STPG2: variants seen among roughly 807,000 people sequenced by gnomAD.
STPG2 encodes the protein sperm tail PG-rich repeat containing 2, also known as sperm-tail PG-rich repeat-containing protein 2.
In STPG2, 56 loss-of-function variants were observed where a neutral mutation model predicts 54.2. The ratio of observed to expected loss-of-function variants is 1.03; its 90% CI spans 0.83 to 1.29. STPG2 has a LOEUF of 1.29. STPG2 is among the 50% of genes most tolerant of loss of function. The pLI, the probability that STPG2 is intolerant of heterozygous loss-of-function variation, is 0.00. For missense variants in STPG2, 596 were observed against 544.9 expected (o/e 1.09, Z -0.93); for synonymous variants, 200 against 181.8 (o/e 1.10, Z -0.81).
At chr4:97,600,424 G>T (rs1057484321) in intron 10 of STPG2, among the ~76,000 whole-genome samples, 7 of 152,196 alleles carry the variant, frequency 4.6e-5, no homozygotes, top group Middle Eastern at 3.4e-3. Flanking sequence ...CATACATATA[G>T]TTACAAAGCA....
intron 10 of STPG2, among the ~76,000 whole-genome samples, chr4:97,703,791 T>C (rs1723862077): frequency 6.8e-6 from 1 of 147,762 alleles, no homozygotes; most frequent in African/African-American, 2.5e-5. Flanking sequence ...TGTGTGTATA[T>C]ATATGTGTGT....
At chr4:97,683,208 AAAGT>A (rs141571411) in intron 10 of STPG2, among the ~76,000 whole-genome samples, 2,632 of 151,918 alleles carry the variant, frequency 0.017, 67 homozygotes, top group African/African-American at 0.059. Context: ...ACCCAGATTT[AAAGT>A]AAGTGGTTTC....
At chr4:97,584,418 C>T (rs1015875835) in intron 10 of STPG2, among the ~76,000 whole-genome samples, 2 of 151,890 alleles carry the variant, frequency 1.3e-5, no homozygotes, top group Admixed American at 1.3e-4. Flanking sequence ...TAAATACCTA[C>T]ATCAAAAAGT....
intron 10 of STPG2, among the ~76,000 whole-genome samples, chr4:97,619,114 G>A (rs897376674): frequency 6.6e-6 from 1 of 151,996 alleles, no homozygotes; most frequent in South Asian, 2.1e-4. Context: ...TTCTATTAAG[G>A]ATAAAACAGT....
intron 10 of STPG2, among the ~76,000 whole-genome samples, chr4:97,613,852 T>C (rs1032804147): frequency 6.6e-6 from 1 of 152,026 alleles, no homozygotes; most frequent in Non-Finnish European, 1.5e-5. Context: ...ATGCTCTAGA[T>C]TCATGTTGTA....
chr4:97,713,760 T>A (rs766435963), intron 9 of STPG2, among the ~76,000 whole-genome samples: 4 of 152,186 alleles, frequency 2.6e-5, no homozygotes, highest in African/African-American at 9.7e-5. Context: ...TATAGGTCCT[T>A]GGCCCAGGGT....
chr4:97,555,318 T>C (rs1462194302), downstream of STPG2, among the ~76,000 whole-genome samples: 1 of 152,128 alleles, frequency 6.6e-6, no homozygotes, highest in Non-Finnish European at 1.5e-5. Flanking sequence ...CAACCATTTG[T>C]TTTTGCCTTG....
At chr4:97,830,858 C>T (rs901658719) in intron 9 of STPG2, among the ~76,000 whole-genome samples, 2 of 152,106 alleles carry the variant, frequency 1.3e-5, no homozygotes, top group Non-Finnish European at 2.9e-5. Flanking sequence ...TACAGGAGCA[C>T]CCAGATTCCT....
chr4:97,575,946 T>C (rs898621128), intron 10 of STPG2, among the ~76,000 whole-genome samples: 4 of 152,074 alleles, frequency 2.6e-5, no homozygotes, highest in African/African-American at 9.7e-5. Context: ...TATATAAAAA[T>C]CTAGCATTTT....
intron 10 of STPG2, among the ~76,000 whole-genome samples, chr4:97,694,568 GGAGGCC>G (rs1480960310): frequency 1.3e-5 from 2 of 151,942 alleles, no homozygotes; most frequent in Non-Finnish European, 2.9e-5. Context: ...CAGCACTTTG[GGAGGCC>G]GAGGCGGGTG....
chr4:97,477,863 T>TC, intron 4 of STPG2, among the ~76,000 whole-genome samples: 1 of 152,200 alleles, frequency 6.6e-6, no homozygotes, highest in Admixed American at 6.6e-5. Flanking sequence ...TCTATATCCT[T>TC]TGACAAATCT....
chr4:97,878,015 C>G (rs559207336), intron 8 of STPG2, among the ~76,000 whole-genome samples: 1 of 152,242 alleles, frequency 6.6e-6, no homozygotes, highest in Non-Finnish European at 1.5e-5. Context: ...GGCTGCAGGC[C>G]CCATGCAAGT....
At chr4:97,866,499 AG>A (rs1192622987) in intron 8 of STPG2, among the ~76,000 whole-genome samples, 1 of 148,104 alleles carries the variant, frequency 6.8e-6, no homozygotes, top group Non-Finnish European at 1.5e-5. Flanking sequence ...TAGTTCTTTC[AG>A]AAAGGGTCTA....
At chr4:98,080,307 G>A (rs893257594) in intron 5 of STPG2, among the ~76,000 whole-genome samples, 2 of 151,728 alleles carry the variant, frequency 1.3e-5, no homozygotes, top group Non-Finnish European at 2.9e-5. Context: ...TGCCCAGGCT[G>A]TACTCAAACT....
chr4:97,817,524 T>C (rs1727953328), intron 9 of STPG2, among the ~76,000 whole-genome samples: 1 of 151,984 alleles, frequency 6.6e-6, no homozygotes. Context: ...ATAAATAGAA[T>C]AAATTATTTC....
chr4:97,947,583 T>C (rs924841863), intron 7 of STPG2, among the ~76,000 whole-genome samples: 9 of 152,230 alleles, frequency 5.9e-5, no homozygotes, highest in African/African-American at 1.9e-4. Flanking sequence ...AAGTCCCTTT[T>C]ATACCTAGTT....
chr4:98,023,379 G>T (rs1416399426), intron 5 of STPG2, among the ~76,000 whole-genome samples: 1 of 152,172 alleles, frequency 6.6e-6, no homozygotes, highest in African/African-American at 2.4e-5. Flanking sequence ...GTTGCTGCCT[G>T]ATCAGTCCTC....
downstream of STPG2, among the ~76,000 whole-genome samples, chr4:97,556,150 C>T (rs768638750): frequency 6.6e-6 from 1 of 152,092 alleles, no homozygotes; most frequent in Non-Finnish European, 1.5e-5. Flanking sequence ...TAGGTAACAT[C>T]TCCTACATAC....
Position 97,907,067 on chromosome 4 carries a change from A to T in STPG2, c.1044+36830T>A, listed in dbSNP as rs1378902275. Among the ~76,000 whole-genome samples the T allele has an allele frequency of 2.6e-5, 4 of 151,970 alleles. No individual in the cohort carries two copies. The South Asian group carries it at 8.3e-4, about 31-fold the overall frequency. ...AAGGGTATTCAATTAGGAAAAGAGG[A>T]AGTCAAATTGTCCCTGTTTGCAGAC... On this transcript the variant is annotated intron_variant, in intron 8 of 10. Coordinates refer to ENST00000295268, the MANE Select transcript of STPG2 (RefSeq NM_174952.3).
Sources: gnomAD v4.1 joint callset for allele counts (sites outside exome capture counted in the v4.1 genomes callset) on GRCh38, gnomAD v4.1.1 for gene constraint, MANE v1.5 for transcripts, NCBI Gene and HGNC (gene_info 2026-07-23, HGNC 2026-07-21) for gene names.